DYNC2H1: variants seen among roughly 807,000 people sequenced by gnomAD.
DYNC2H1 encodes the protein cytoplasmic dynein 2 heavy chain 1.
DYNC2H1 carries 410 observed loss-of-function variants against 570.0 expected under a neutral mutation model. That is an observed-to-expected ratio of 0.72 (90% CI 0.66 to 0.78). The LOEUF is 0.78. Ranked by LOEUF, DYNC2H1 falls within the 30% of genes least tolerant of loss-of-function variation. The pLI, the probability that DYNC2H1 is intolerant of heterozygous loss-of-function variation, is 0.00. For missense variants in DYNC2H1, 4,865 were observed against 5,046.4 expected, an observed-to-expected ratio of 0.96 and a Z score of 1.09; for synonymous variants, 1,688 against 1,677.6, an observed-to-expected ratio of 1.01 and a Z score of -0.15.
chr11:103,210,186 T>C (rs1196793471), intron 53 of DYNC2H1, among the ~76,000 whole-genome samples: 1 of 151,966 alleles, frequency 6.6e-6, no homozygotes, highest in Non-Finnish European at 1.5e-5. Context: ...CTGTGTGAGT[T>C]CAAGAAGTTT....
intron 30 of DYNC2H1, among the ~76,000 whole-genome samples, chr11:103,165,087 T>G (rs932706310): frequency 2.6e-5 from 4 of 152,218 alleles, no homozygotes; most frequent in African/African-American, 9.6e-5. Flanking sequence ...AGTTACTAGT[T>G]GGCTTTCTTT....
At chr11:103,175,099 T>G (rs1565367479) in intron 36 of DYNC2H1, among the ~76,000 whole-genome samples, 1 of 152,180 alleles carries the variant, frequency 6.6e-6, no homozygotes, top group Non-Finnish European at 1.5e-5. Context: ...AAAAAAATGG[T>G]TTTTTATTCA....
rs1202650788 is a variant in DYNC2H1, at chr11:103,334,068, G to A, written c.12039+10078G>A. Among the ~76,000 whole-genome samples, 3 of 152,138 alleles carry A rather than the reference G, an allele frequency of 2.0e-5. No homozygotes were observed. The highest frequency in any genetic ancestry group is 4.4e-5 in the Non-Finnish European group (3 of 68,012). ...AGCATGTTGCCTGGAAAGAAATGGT[G>A]TAAAATTTGTTATTTTTGAACAAAA... On this transcript the variant is annotated intron_variant, in intron 82 of 88. Coordinates refer to ENST00000375735, the MANE Select transcript of DYNC2H1 (RefSeq NM_001377.3). The surrounding 1 kb of genome is among the most constrained non-coding windows in gnomAD (Gnocchi z 4.3).
At chr11:103,242,286 TAAC>T (rs967921649) in intron 63 of DYNC2H1, among the ~76,000 whole-genome samples, 26 of 152,162 alleles carry the variant, frequency 1.7e-4, no homozygotes, top group Admixed American at 7.9e-4. Flanking sequence ...AGTAAGAGAT[TAAC>T]AACAACAATA....
At position 103,128,546 on chromosome 11, in the gene DYNC2H1, A is replaced by G. The variant is rs923891033; in HGVS notation, c.1858-364A>G. 1.2e-4 allele frequency among the ~76,000 whole-genome samples: 18 copies of G among 152,234 alleles called. 2 individuals carry two copies. The highest frequency in any genetic ancestry group is 9.2e-4 in the Admixed American group (14 of 15,286). On this transcript the variant is annotated intron_variant, in intron 12 of 88. Transcript: ENST00000375735. ...ACATGAATAAATTATTGTAGCATATACTGAAAAAAGAAGGAGCAGATTTGG... is the reference window on the plus strand; with the variant it reads ...ACATGAATAAATTATTGTAGCATATGCTGAAAAAAGAAGGAGCAGATTTGG...
intron 83 of DYNC2H1, among the ~76,000 whole-genome samples, chr11:103,381,230 A>T (rs1941632331): frequency 6.6e-6 from 1 of 152,184 alleles, no homozygotes; most frequent in Non-Finnish European, 1.5e-5. Context: ...GAGTCAAAAC[A>T]TGTTTCAAAA....
intron 70 of DYNC2H1, among the ~76,000 whole-genome samples, chr11:103,278,407 T>A (rs1165935923): frequency 2.0e-5 from 3 of 152,070 alleles, no homozygotes; most frequent in Admixed American, 1.3e-4. Context: ...AATAATGCAG[T>A]GAGGTAGATA....
intron 85 of DYNC2H1, among the ~76,000 whole-genome samples, chr11:103,452,729 T>TAG (rs1944653555): frequency 6.6e-6 from 1 of 152,022 alleles, no homozygotes; most frequent in Non-Finnish European, 1.5e-5. Flanking sequence ...GACATACTAT[T>TAG]TATTTCTTAC....
intron 30 of DYNC2H1, 21 bp from the exon 31 acceptor site, chr11:103,165,877 A>T (rs772666730): frequency 2.1e-6 from 3 of 1,434,104 alleles, no homozygotes; most frequent in Non-Finnish European, 2.7e-6. Flanking sequence ...TTTAAAAATA[A>T]TTTTTCTCTT....
intron 70 of DYNC2H1, among the ~76,000 whole-genome samples, chr11:103,269,234 T>G (rs1865611701): frequency 6.6e-6 from 1 of 152,212 alleles, no homozygotes; most frequent in East Asian, 1.9e-4. Flanking sequence ...AAAATTCATA[T>G]TTCTGTTTGA....
chr11:103,473,563 C>T (rs1945458424), intron 88 of DYNC2H1, among the ~76,000 whole-genome samples: 1 of 152,130 alleles, frequency 6.6e-6, no homozygotes, highest in Admixed American at 6.5e-5. Context: ...TATTCCCTCC[C>T]TTGGAAAGTC....
intron 75 of DYNC2H1, among the ~76,000 whole-genome samples, chr11:103,290,427 T>C (rs571963517): frequency 7.2e-5 from 11 of 152,348 alleles, no homozygotes; most frequent in African/African-American, 2.6e-4. Context: ...AATGTTTATG[T>C]ACCAGATAAC....
intron 73 of DYNC2H1, among the ~76,000 whole-genome samples, chr11:103,285,428 T>TC (rs1282065419): frequency 1.5e-5 from 2 of 136,478 alleles, no homozygotes; most frequent in African/African-American, 5.5e-5. Flanking sequence ...TCTTTTCTTT[T>TC]TTTTTTTTTT....
At chr11:103,263,181 G>A (rs1359830263) in intron 70 of DYNC2H1, among the ~76,000 whole-genome samples, 1 of 152,078 alleles carries the variant, frequency 6.6e-6, no homozygotes, top group African/African-American at 2.4e-5. Context: ...TATGCGCCCA[G>A]TACAGGAGCA....
intron 81 of DYNC2H1, among the ~76,000 whole-genome samples, chr11:103,323,240 G>C (rs990562549): frequency 2.0e-5 from 3 of 152,154 alleles, no homozygotes; most frequent in Admixed American, 6.5e-5. Flanking sequence ...TTAAAGTCAT[G>C]AGTGAGTAAC....
chr11:103,479,201 A>C lies in DYNC2H1; in HGVS notation c.12872A>C (p.Asn4291Thr). Residue 4291 changes from asparagine (N) to threonine (T), a missense_variant, in exon 89 of 89, where the codon AAC (asparagine) becomes ACC (threonine). Physicochemically the swap from Asn to Thr is moderately conservative, Grantham distance 65 (BLOSUM62 0). This residue lies in a region of DYNC2H1 where 2,401 missense variants were observed against 2,454.6 expected (regional missense o/e 0.98). Transcript: ENST00000375735. ...AATATTGATGTTCCATGTGGGGGCA[A>C]CCAAGACCAGTGGATTCAGTGTGGA... ...VTNIDVPCGGNQDQWIQCGAA... is the reference protein window; with the variant it reads ...VTNIDVPCGGTQDQWIQCGAA... 6.2e-7 allele frequency: 1 copy of C among 1,613,912 alleles called. No homozygotes were observed. Among genetic ancestry groups the C allele is most frequent in the South Asian group, 1.1e-5 (1 of 91,080 alleles).
intron 85 of DYNC2H1, among the ~76,000 whole-genome samples, chr11:103,443,025 T>C (rs1944318147): frequency 6.6e-6 from 1 of 151,948 alleles, no homozygotes; most frequent in Non-Finnish European, 1.5e-5. Context: ...ACATACGTTA[T>C]TAATATATAA....
At chr11:103,194,825 C>T (rs1048739796) in intron 47 of DYNC2H1, among the ~76,000 whole-genome samples, 1 of 152,116 alleles carries the variant, frequency 6.6e-6, no homozygotes, top group African/African-American at 2.4e-5. Context: ...TCAAGTGATT[C>T]TTCTGCCTCA....
chr11:103,337,104 C>G (rs1939177369), intron 82 of DYNC2H1, among the ~76,000 whole-genome samples: 1 of 152,206 alleles, frequency 6.6e-6, no homozygotes, highest in Admixed American at 6.5e-5. Flanking sequence ...GAGCCACAAA[C>G]AATAGCGTGA....
Sources: gnomAD v4.1 joint callset for allele counts (sites outside exome capture counted in the v4.1 genomes callset) on GRCh38, gnomAD v4.1.1 for gene constraint, gnomAD v4.1.1 regional missense constraint, Gnocchi (gnomAD v3.1) non-coding constraint, MANE v1.5 for transcripts, NCBI Gene and HGNC (gene_info 2026-07-23, HGNC 2026-07-21) for gene names.